The following OLFM3 variants were observed in gnomAD, a reference collection of about 807,000 sequenced individuals.
OLFM3 encodes the protein noelin-3.
In OLFM3, 20 loss-of-function variants were observed where a neutral mutation model predicts 48.6. The observed-to-expected ratio is 0.41, with a 90% confidence interval of 0.29 to 0.60. OLFM3 has a LOEUF of 0.60. Ranked by LOEUF, OLFM3 falls within the 20% of genes least tolerant of loss-of-function variation. The pLI is 0.28. For synonymous variants in OLFM3, 222 were observed against 198.1 expected, an observed-to-expected ratio of 1.12 and a Z score of -1.01; for missense variants, 437 against 544.3, an observed-to-expected ratio of 0.80 and a Z score of 1.96.
At chr1:101,861,719 C>A (rs1382766466) in intron 1 of OLFM3, among the ~76,000 whole-genome samples, 1 of 152,116 alleles carries the variant, frequency 6.6e-6, no homozygotes, top group Non-Finnish European at 1.5e-5. Context: ...GCTTTGTAGT[C>A]ATGTAGACCT....
intron 1 of OLFM3, among the ~76,000 whole-genome samples, chr1:101,886,113 C>G (rs756656264): frequency 6.6e-6 from 1 of 151,976 alleles, no homozygotes; most frequent in Non-Finnish European, 1.5e-5. Flanking sequence ...GGAGTACATA[C>G]AAAAACAAAG....
chr1:101,833,107 G>C (rs1302801205), intron 2 of OLFM3, among the ~76,000 whole-genome samples: 1 of 152,200 alleles, frequency 6.6e-6, no homozygotes, highest in East Asian at 1.9e-4. Flanking sequence ...TATACAATTA[G>C]AAAATGATGG....
chr1:101,921,289 T>C (rs1190056162), intron 1 of OLFM3, among the ~76,000 whole-genome samples: 2 of 152,018 alleles, frequency 1.3e-5, no homozygotes, highest in Non-Finnish European at 2.9e-5. Context: ...GATCCCTTGA[T>C]TCAAGCAAGG....
chr1:101,885,634 C>T (rs183580960), intron 1 of OLFM3, among the ~76,000 whole-genome samples: 34 of 152,114 alleles, frequency 2.2e-4, no homozygotes, highest in African/African-American at 7.9e-4. Context: ...ACTTTTATAA[C>T]GATTCACTTT....
intron 1 of OLFM3, among the ~76,000 whole-genome samples, chr1:101,943,094 T>C (rs1659843677): frequency 6.6e-6 from 1 of 152,184 alleles, no homozygotes; most frequent in African/African-American, 2.4e-5. Context: ...GGGTATAGCC[T>C]CTAGTTAGTC....
intron 4 of OLFM3, among the ~76,000 whole-genome samples, chr1:101,816,103 T>G (rs943296157): frequency 6.6e-6 from 1 of 152,162 alleles, no homozygotes. Context: ...TCTAGCAGCA[T>G]AAGATCAAAG....
chr1:101,963,772 G>A (rs1660532477), intron 1 of OLFM3, among the ~76,000 whole-genome samples: 1 of 152,094 alleles, frequency 6.6e-6, no homozygotes, highest in Non-Finnish European at 1.5e-5. Flanking sequence ...TTCCTCATAT[G>A]GGACTGGAAA....
intron 1 of OLFM3, among the ~76,000 whole-genome samples, chr1:101,903,487 C>T (rs1165394224): frequency 6.6e-6 from 1 of 152,032 alleles, no homozygotes; most frequent in African/African-American, 2.4e-5. Flanking sequence ...AGCTAAGGAA[C>T]TGAAGCCACA....
rs1011303616 is a variant in OLFM3, at chr1:101,803,024, A to G, written c.*1214T>C. 10 of 151,934 alleles carry G rather than the reference A, an allele frequency of 6.6e-5. No individual in the cohort carries two copies. The highest frequency in any genetic ancestry group is 2.4e-4 in the African/African-American group (10 of 41,440). The allele number at this position is 151,934 out of a possible 1,614,324, so 9.4% of individuals were successfully genotyped here. On this transcript the variant is annotated 3_prime_UTR_variant, in exon 6 of 6. Transcript: ENST00000370103. ...CAAGGTAACAAGGGGTCGTTTTTCC[A>G]TTTTGTTTTCTGAATTGGTTATTTA...
intron 1 of OLFM3, among the ~76,000 whole-genome samples, chr1:101,910,523 G>T (rs535618550): frequency 3.3e-5 from 5 of 151,222 alleles, no homozygotes; most frequent in Middle Eastern, 3.4e-3. Flanking sequence ...AGACTAAAGA[G>T]TATAAATTCA....
rs1319555989 is a variant in OLFM3 at position 101,840,661 on chromosome 1, G to A, written c.70-3636C>T. Among the ~76,000 whole-genome samples the A allele has an allele frequency of 2.0e-5, 3 of 152,028 alleles. No individual in the cohort carries two copies. The East Asian group carries it at 5.8e-4, about 29-fold the overall frequency. On this transcript the variant is annotated intron_variant, in intron 1 of 5. Transcript: ENST00000370103. Reference sequence around the variant, plus strand: ...AATTTTTGTATCTTTTTTGGTGATGGGGTTTTACCATGTTGCTCAGGCCTA... The same window carrying A: ...AATTTTTGTATCTTTTTTGGTGATGAGGTTTTACCATGTTGCTCAGGCCTA...
chr1:101,883,982 A>G (rs1244562168), intron 1 of OLFM3, among the ~76,000 whole-genome samples: 1 of 151,758 alleles, frequency 6.6e-6, no homozygotes, highest in Non-Finnish European at 1.5e-5. Flanking sequence ...CTTTTAAGCC[A>G]CTATCACCAA....
At chr1:101,948,290 T>C (rs2101067434) in intron 1 of OLFM3, among the ~76,000 whole-genome samples, 1 of 152,320 alleles carries the variant, frequency 6.6e-6, no homozygotes, top group Admixed American at 6.5e-5. Flanking sequence ...TGAAATTTAT[T>C]ACATTGATTA....
chr1:101,809,483 C>T (rs1016656015), intron 4 of OLFM3, among the ~76,000 whole-genome samples: 6 of 151,748 alleles, frequency 4.0e-5, no homozygotes, highest in African/African-American at 1.5e-4. Context: ...TTAACATGTG[C>T]ACTTTCCAAA....
At position 101,825,067 on chromosome 1, in the gene OLFM3, A is replaced by G; in HGVS notation, c.551T>C (p.Leu184Pro). 6.2e-7 allele frequency: 1 copy of G among 1,614,106 alleles called. No homozygotes were observed. Among genetic ancestry groups the G allele is most frequent in the South Asian group, 1.1e-5 (1 of 91,080 alleles). The change falls in exon 4 of 6, where the codon CTG (leucine) becomes CCG (proline). Residue 184 changes from leucine to proline, a missense_variant. Physicochemically the swap from Leu to Pro is moderately conservative, Grantham distance 98 (BLOSUM62 -3). This residue lies in a region of OLFM3 where 314 missense variants were observed against 365.5 expected (regional missense o/e 0.86). Transcript: ENST00000370103. ...YDYEELHQRV[L>P]SLETRLRDCM... ...GTCACGAAGTCTTGTTTCCAAGCTC[A>G]GCACTCTTTGGTGTAGTTCCTCGTA...
At position 101,996,837 on chromosome 1, in the gene OLFM3, C is replaced by G. The variant is rs746393204; in HGVS notation, c.-21G>C. On this transcript the variant is annotated 5_prime_UTR_variant, in exon 1 of 6. Coordinates refer to ENST00000370103, the MANE Select transcript of OLFM3 (RefSeq NM_058170.4). The stretch of plus-strand genomic sequence containing the variant: ...TGCATTCTGATCTGGGTTTTTGCCC[C>G]TCTTTACTCTCTTTTATGTAGGCTC... The G allele has an allele frequency of 3.1e-6, 5 of 1,613,382 alleles. No homozygotes were observed. The Admixed American group carries it at 5.0e-5, about 16-fold the overall frequency.
intron 1 of OLFM3, among the ~76,000 whole-genome samples, chr1:101,876,836 G>C (rs990840673): frequency 7.9e-5 from 12 of 151,882 alleles, no homozygotes; most frequent in African/African-American, 2.9e-4. Flanking sequence ...TCATGTAATT[G>C]TGTTCATATT....
intron 1 of OLFM3, among the ~76,000 whole-genome samples, chr1:101,969,783 A>G (rs1017659614): frequency 2.0e-5 from 3 of 151,642 alleles, no homozygotes; most frequent in Non-Finnish European, 2.9e-5. Context: ...TGTCTATGTC[A>G]GGAGAAGGAT....
intron 1 of OLFM3, chr1:101,847,041 C>T (rs916325212): frequency 9.1e-6 from 14 of 1,539,716 alleles, no homozygotes; most frequent in Middle Eastern, 1.9e-4. Context: ...CAGCGGGAGG[C>T]GTGACTGCAG....
Sources: allele counts gnomAD v4.1 joint callset (sites outside exome capture counted in the v4.1 genomes callset), GRCh38; gene constraint gnomAD v4.1.1; regional missense constraint gnomAD v4.1.1; transcripts MANE v1.5; gene names NCBI Gene and HGNC (gene_info 2026-07-23, HGNC 2026-07-21).